FBXW7: variants seen among roughly 807,000 people sequenced by gnomAD.
FBXW7 encodes the protein F-box/WD repeat-containing protein 7.
Under a neutral mutation model 86.3 loss-of-function variants are expected in FBXW7, and 11 were observed. The observed-to-expected ratio is 0.13, with a 90% CI of 0.08 to 0.21. FBXW7 has a LOEUF of 0.21. Among genes scored for constraint, FBXW7 ranks in the 10% least tolerant of loss-of-function variants. The probability of loss-of-function intolerance (pLI) is 1.00; values close to 1 mark genes in which losing one functional copy is unlikely to be tolerated. For missense variants in FBXW7, 488 were observed against 847.4 expected, an observed-to-expected ratio of 0.58 and a Z score of 5.27; for synonymous variants, 313 against 297.9, an observed-to-expected ratio of 1.05 and a Z score of -0.52.
chr4:152,532,173 A>G (rs1272572794), intron 2 of FBXW7, among the ~76,000 whole-genome samples: 4 of 152,252 alleles, frequency 2.6e-5, no homozygotes, highest in Non-Finnish European at 5.9e-5. Context: ...AAACTGCACC[A>G]GTATCCAATT....
intron 7 of FBXW7, among the ~76,000 whole-genome samples, chr4:152,336,992 A>G (rs1730195819): frequency 6.6e-6 from 1 of 152,008 alleles, no homozygotes; most frequent in Non-Finnish European, 1.5e-5. Flanking sequence ...GGGCATATAC[A>G]TATTACTTAT....
intron 4 of FBXW7, among the ~76,000 whole-genome samples, chr4:152,375,658 T>C (rs1013214667): frequency 2.0e-5 from 3 of 152,042 alleles, no homozygotes; most frequent in Admixed American, 2.0e-4. Context: ...CCTAGAATAA[T>C]AAACATGGAA....
At chr4:152,385,065 T>C (rs1394376094) in intron 4 of FBXW7, among the ~76,000 whole-genome samples, 1 of 152,050 alleles carries the variant, frequency 6.6e-6, no homozygotes, top group African/African-American at 2.4e-5. Context: ...AATATCCTTA[T>C]CTCAGTTACT....
intron 2 of FBXW7, among the ~76,000 whole-genome samples, chr4:152,446,483 T>C (rs1741410784): frequency 6.6e-6 from 1 of 152,176 alleles, no homozygotes; most frequent in South Asian, 2.1e-4. Context: ...TTAATGGACA[T>C]TTTAAGAGCA....
At chr4:152,439,491 T>A (rs2126977629) in intron 2 of FBXW7, among the ~76,000 whole-genome samples, 1 of 152,202 alleles carries the variant, frequency 6.6e-6, no homozygotes, top group Admixed American at 6.5e-5. Context: ...GAAACCGATT[T>A]TCAGGGCCCG....
chr4:152,368,711 T>TG (rs1733715973), intron 4 of FBXW7, among the ~76,000 whole-genome samples: 1 of 152,092 alleles, frequency 6.6e-6, no homozygotes, highest in Non-Finnish European at 1.5e-5. Context: ...AACTATATAC[T>TG]AGACATTTTA....
intron 4 of FBXW7, among the ~76,000 whole-genome samples, chr4:152,362,532 C>T (rs748175095): frequency 8.6e-5 from 13 of 151,970 alleles, no homozygotes; most frequent in Non-Finnish European, 1.3e-4. Context: ...AACTTAGGGC[C>T]GGGCGCAGTG....
chr4:152,462,790 A>C (rs542535729), intron 2 of FBXW7, among the ~76,000 whole-genome samples: 52 of 152,334 alleles, frequency 3.4e-4, no homozygotes, highest in Non-Finnish European at 6.2e-4. Flanking sequence ...TGCATTCTTA[A>C]AAGAAGAATC....
chr4:152,493,784 G>A (rs1237148703), intron 2 of FBXW7, among the ~76,000 whole-genome samples: 1 of 152,224 alleles, frequency 6.6e-6, no homozygotes, highest in Non-Finnish European at 1.5e-5. Context: ...CCTCCACATA[G>A]TGAGAAAATT....
intron 2 of FBXW7, among the ~76,000 whole-genome samples, chr4:152,524,382 T>C (rs1749305251): frequency 6.6e-6 from 1 of 151,972 alleles, no homozygotes; most frequent in Non-Finnish European, 1.5e-5. Context: ...ACAAAAAAAC[T>C]CCTCTGTAAG....
At chr4:152,435,107 T>C (rs1404735727) in intron 2 of FBXW7, among the ~76,000 whole-genome samples, 1 of 143,716 alleles carries the variant, frequency 7.0e-6, no homozygotes, top group Non-Finnish European at 1.5e-5. Context: ...GGGAGGGGTT[T>C]CCAACATGAT....
In FBXW7 at chr4:152,535,712, G is replaced by A; in HGVS notation, c.-798C>T. 1 of 395,606 alleles carries A rather than the reference G, an allele frequency of 2.5e-6. No homozygotes were observed. The highest frequency in any genetic ancestry group is 4.5e-6 in the Non-Finnish European group (1 of 223,936). The allele number at this position is 395,606 out of a possible 1,614,324, so 24.5% of individuals were successfully genotyped here. ...CTCGCCCCACGCCCCACGGGACGAG[G>A]CAGAAGCTCTGGCGCCTCCTCAGCG... On this transcript the variant is annotated 5_prime_UTR_variant, in exon 1 of 14. Coordinates refer to ENST00000281708, the MANE Select transcript of FBXW7 (RefSeq NM_001349798.2).
intron 2 of FBXW7, among the ~76,000 whole-genome samples, chr4:152,450,176 A>C (rs1055946655): frequency 5.3e-5 from 8 of 152,360 alleles, no homozygotes; most frequent in African/African-American, 1.9e-4. Flanking sequence ...AATATCTAAA[A>C]ACAGGCATGC....
chr4:152,487,472 TA>T (rs1392188957), intron 2 of FBXW7, among the ~76,000 whole-genome samples: 1 of 152,038 alleles, frequency 6.6e-6, no homozygotes, highest in Non-Finnish European at 1.5e-5. Flanking sequence ...AAAAGCAAGT[TA>T]AAAAGTTATG....
intron 2 of FBXW7, among the ~76,000 whole-genome samples, chr4:152,492,154 A>G (rs565094678): frequency 3.9e-5 from 6 of 152,318 alleles, no homozygotes; most frequent in African/African-American, 1.4e-4. Flanking sequence ...ATACAGTATC[A>G]TGTCCAGCTT....
chr4:152,322,459 T>C lies in FBXW7; in HGVS notation c.*422A>G. Reference sequence around the variant, plus strand: ...TAATTAGAAAGTCAACCAGTACTTGTTTTGATATTATTGCAGTTCCTTTCT... The same window carrying C: ...TAATTAGAAAGTCAACCAGTACTTGCTTTGATATTATTGCAGTTCCTTTCT... On this transcript the variant is annotated 3_prime_UTR_variant, in exon 14 of 14. Transcript: ENST00000281708. 4.2e-6 allele frequency: 1 copy of C among 240,664 alleles called. No homozygotes were observed. The highest frequency in any genetic ancestry group is 8.2e-6 in the Non-Finnish European group (1 of 122,564). The allele number at this position is 240,664 out of a possible 1,614,324, so 14.9% of individuals were successfully genotyped here. A position where few individuals can be genotyped will look rare whatever the true frequency, so the allele number is the denominator to read the frequency against.
intron 4 of FBXW7, among the ~76,000 whole-genome samples, chr4:152,380,210 C>A (rs1357706418): frequency 6.6e-6 from 1 of 151,884 alleles, no homozygotes; most frequent in Non-Finnish European, 1.5e-5. Context: ...AAAAGCCATA[C>A]AATACGTCAG....
At chr4:152,513,133 A>G (rs1748139628) in intron 2 of FBXW7, among the ~76,000 whole-genome samples, 1 of 152,200 alleles carries the variant, frequency 6.6e-6, no homozygotes, top group Admixed American at 6.5e-5. Context: ...AACTGGGATT[A>G]CAGGCATGAG....
chr4:152,468,545 T>C (rs1743659106), intron 2 of FBXW7, among the ~76,000 whole-genome samples: 1 of 152,136 alleles, frequency 6.6e-6, no homozygotes, highest in Non-Finnish European at 1.5e-5. Flanking sequence ...ATGCCCAGAA[T>C]AGGCAAACCT....
Sources: allele counts gnomAD v4.1 joint callset (sites outside exome capture counted in the v4.1 genomes callset), GRCh38; gene constraint gnomAD v4.1.1; transcripts MANE v1.5; gene names NCBI Gene and HGNC (gene_info 2026-07-23, HGNC 2026-07-21).